Variants in CNTNAP5 observed in about 807,000 individuals in gnomAD.
CNTNAP5 encodes the protein contactin-associated protein-like 5.
In CNTNAP5, 72 loss-of-function variants were observed where a neutral mutation model predicts 150.2. That is an observed-to-expected ratio of 0.48 (90% confidence interval 0.40 to 0.58). CNTNAP5 has a LOEUF of 0.58. Ranked by LOEUF, CNTNAP5 falls within the 20% of genes least tolerant of loss-of-function variation. The probability of loss-of-function intolerance (pLI) is 0.00; values close to 1 mark genes in which losing one functional copy is unlikely to be tolerated. For synonymous variants in CNTNAP5, 672 were observed against 619.8 expected, an observed-to-expected ratio of 1.08 and a Z score of -1.25; for missense variants, 1,636 against 1,626.2, an observed-to-expected ratio of 1.01 and a Z score of -0.10.
At chr2:124,154,974 T>C (rs937156061) in intron 1 of CNTNAP5, among the ~76,000 whole-genome samples, 15 of 152,016 alleles carry the variant, frequency 9.9e-5, no homozygotes, top group African/African-American at 2.9e-4. Flanking sequence ...AACTAACACA[T>C]GAATCTTTTC....
intron 3 of CNTNAP5, among the ~76,000 whole-genome samples, chr2:124,410,729 A>C (rs1236864401): frequency 5.9e-5 from 9 of 151,772 alleles, no homozygotes; most frequent in African/African-American, 2.2e-4. Flanking sequence ...CATTCAGAGC[A>C]GTGTGTAGAG....
chr2:124,182,507 C>G (rs373136249), intron 1 of CNTNAP5, among the ~76,000 whole-genome samples: 1 of 152,104 alleles, frequency 6.6e-6, no homozygotes, highest in Non-Finnish European at 1.5e-5. Flanking sequence ...TCGATCAAGA[C>G]GAGCATGTTG....
chr2:124,901,934 A>G (rs1422879553), intron 21 of CNTNAP5, among the ~76,000 whole-genome samples: 1 of 152,114 alleles, frequency 6.6e-6, no homozygotes, highest in Non-Finnish European at 1.5e-5. Flanking sequence ...AGGCTCTTTG[A>G]CCATTTATGA....
At chr2:124,439,638 C>T (rs914953362) in intron 5 of CNTNAP5, among the ~76,000 whole-genome samples, 4 of 152,106 alleles carry the variant, frequency 2.6e-5, no homozygotes, top group African/African-American at 9.7e-5. Flanking sequence ...GAGACTTGCT[C>T]TGGATTGAGA....
chr2:124,353,678 G>A (rs976396141), intron 3 of CNTNAP5, among the ~76,000 whole-genome samples: 1 of 152,148 alleles, frequency 6.6e-6, no homozygotes, highest in African/African-American at 2.4e-5. Context: ...TAGAACAGAA[G>A]CAGTGATATC....
At position 124,829,928 on chromosome 2, in the gene CNTNAP5, A is replaced by G. The variant is rs10187198; in HGVS notation, c.3217+31608A>G. ...GAAAAATCAAACTTTTATAAAGTTT[A>G]TGTAGTCTTTAGAATACTCACATTA... is the stretch of plus-strand genomic sequence containing the variant. On this transcript the variant is annotated intron_variant, in intron 19 of 23. Coordinates refer to ENST00000682447, the MANE Select transcript of CNTNAP5 (RefSeq NM_001367498.1). Among the ~76,000 whole-genome samples the G allele has an allele frequency of 5.4e-3, 815 of 151,814 alleles. 9 individuals carry two copies. The highest frequency in any genetic ancestry group is 0.019 in the African/African-American group (789 of 41,484).
At chr2:124,228,342 T>C (rs1163892572) in intron 2 of CNTNAP5, among the ~76,000 whole-genome samples, 1 of 152,190 alleles carries the variant, frequency 6.6e-6, no homozygotes, top group East Asian at 1.9e-4. Flanking sequence ...ATATTTCTAC[T>C]GATTCAAATG....
chr2:124,394,597 A>G (rs978351336), intron 3 of CNTNAP5, among the ~76,000 whole-genome samples: 6 of 152,144 alleles, frequency 3.9e-5, no homozygotes, highest in South Asian at 2.1e-4. Context: ...TGAACACTCA[A>G]TGAGGATTTG....
intron 11 of CNTNAP5, among the ~76,000 whole-genome samples, chr2:124,601,162 T>A (rs1445193893): frequency 6.6e-6 from 1 of 152,038 alleles, no homozygotes. Flanking sequence ...AGAGAAAACA[T>A]GTATGGTTGA....
At chr2:124,112,469 G>C (rs1181355359) in intron 1 of CNTNAP5, among the ~76,000 whole-genome samples, 1 of 152,144 alleles carries the variant, frequency 6.6e-6, no homozygotes, top group African/African-American at 2.4e-5. Context: ...TTTCTGTTCT[G>C]TTTCTCTTAT....
At chr2:124,209,089 C>T (rs1177199579) in intron 1 of CNTNAP5, among the ~76,000 whole-genome samples, 1 of 152,136 alleles carries the variant, frequency 6.6e-6, no homozygotes, top group African/African-American at 2.4e-5. Context: ...GTACTGAGAC[C>T]CACCGCTGTG....
At chr2:124,050,842 C>A (rs1455246091) in intron 1 of CNTNAP5, among the ~76,000 whole-genome samples, 1 of 152,210 alleles carries the variant, frequency 6.6e-6, no homozygotes, top group African/African-American at 2.4e-5. Context: ...CTGCTCAGGG[C>A]ACTGGCAAGT....
intron 4 of CNTNAP5, among the ~76,000 whole-genome samples, chr2:124,424,284 T>C (rs1692189808): frequency 6.6e-6 from 1 of 152,136 alleles, no homozygotes; most frequent in Admixed American, 6.5e-5. Context: ...ATCTCACCTC[T>C]GACATGCTAA....
At chr2:124,812,675 C>T (rs1167315579) in intron 19 of CNTNAP5, among the ~76,000 whole-genome samples, 2 of 152,138 alleles carry the variant, frequency 1.3e-5, no homozygotes, top group African/African-American at 4.8e-5. Flanking sequence ...CTCTTTCAAA[C>T]AGTCTGAAAA....
intron 10 of CNTNAP5, among the ~76,000 whole-genome samples, chr2:124,541,381 A>G (rs986135999): frequency 9.9e-5 from 15 of 151,858 alleles, no homozygotes; most frequent in African/African-American, 3.1e-4. Context: ...ATTCAATTCT[A>G]ATAGTATATA....
intron 11 of CNTNAP5, among the ~76,000 whole-genome samples, chr2:124,583,015 C>T (rs1696449870): frequency 6.6e-6 from 1 of 152,028 alleles, no homozygotes; most frequent in African/African-American, 2.4e-5. Context: ...CAGCTTGACA[C>T]CTCATTATTG....
intron 13 of CNTNAP5, among the ~76,000 whole-genome samples, chr2:124,650,175 G>A (rs568430172): frequency 6.6e-6 from 1 of 152,302 alleles, no homozygotes; most frequent in Admixed American, 6.5e-5. Flanking sequence ...AAAGGAGGGA[G>A]ATAAAGGAGA....
chr2:124,459,780 AGG>A lies in CNTNAP5; in HGVS notation c.918+12844_918+12845del, dbSNP rs1159313330. ...CTGTAAAAAAAAAAAAAAAAAAAAA[AGG>A]AATTGTGTTCTTAGCAATGGGAATA... On this transcript the variant is annotated intron_variant, in intron 6 of 23. Coordinates refer to ENST00000682447, the MANE Select transcript of CNTNAP5 (RefSeq NM_001367498.1). Among the ~76,000 whole-genome samples the A allele has an allele frequency of 3.4e-5, 4 of 116,514 alleles. No homozygotes were observed. In the East Asian group the frequency reaches 1.2e-3, roughly 34 times the overall value. The allele number at this position is 116,514 out of a possible 152,430, so 76.4% of individuals were successfully genotyped here.
chr2:124,679,129 G>A (rs1213848334), intron 13 of CNTNAP5, among the ~76,000 whole-genome samples: 1 of 151,836 alleles, frequency 6.6e-6, no homozygotes, highest in Non-Finnish European at 1.5e-5. Context: ...GGCAGGCATT[G>A]ACAAGGCAGA....
Sources: allele counts gnomAD v4.1 joint callset (sites outside exome capture counted in the v4.1 genomes callset), GRCh38; gene constraint gnomAD v4.1.1; transcripts MANE v1.5; gene names NCBI Gene and HGNC (gene_info 2026-07-23, HGNC 2026-07-21).